MYO3A: variants seen among roughly 807,000 people sequenced by gnomAD.
MYO3A encodes myosin-IIIa.
In MYO3A, 180 loss-of-function variants were observed where a neutral mutation model predicts 192.7. The observed-to-expected ratio is 0.93, with a 90% CI of 0.83 to 1.06. The LOEUF is 1.06. Ranked by LOEUF, MYO3A falls within the 50% of genes least tolerant of loss-of-function variation. The pLI, the probability that MYO3A is intolerant of heterozygous loss-of-function variation, is 0.00. For missense variants in MYO3A, 1,896 were observed against 1,905.0 expected (o/e 1.00, Z 0.09); for synonymous variants, 628 against 645.3 (o/e 0.97, Z 0.41).
chr10:25,992,803 A>C (rs1354408799), intron 4 of MYO3A, among the ~76,000 whole-genome samples: 1 of 152,092 alleles, frequency 6.6e-6, no homozygotes, highest in Non-Finnish European at 1.5e-5. Context: ...TATATGCTGG[A>C]TTACGTTTAT....
chr10:26,044,261 T>A (rs1843515718), intron 10 of MYO3A, among the ~76,000 whole-genome samples: 2 of 152,364 alleles, frequency 1.3e-5, no homozygotes, highest in South Asian at 4.1e-4. Context: ...TTTGGAGCTG[T>A]GAGCTGTGCA....
intron 29 of MYO3A, among the ~76,000 whole-genome samples, chr10:26,172,039 C>T (rs1372671628): frequency 6.6e-6 from 1 of 152,108 alleles, no homozygotes; most frequent in Non-Finnish European, 1.5e-5. Flanking sequence ...GAGAATTTGA[C>T]ATTGATTGGG....
Position 26,208,995 on chromosome 10 carries a change from A to T in MYO3A, c.4731-2848A>T, listed in dbSNP as rs1035628981. On this transcript the variant is annotated intron_variant, in intron 34 of 34. Coordinates refer to ENST00000642920, the MANE Select transcript of MYO3A (RefSeq NM_017433.5). Reference sequence around the variant, plus strand: ...CCCCTTAGTTACTTTGCAATATTACATTTCCCTAAAAATTCCTTATGCCAC... The same window carrying T: ...CCCCTTAGTTACTTTGCAATATTACTTTTCCCTAAAAATTCCTTATGCCAC... 2.0e-5 allele frequency among the ~76,000 whole-genome samples: 3 copies of T among 152,132 alleles called. No individual in the cohort carries two copies. In the East Asian group the frequency reaches 5.8e-4, roughly 29 times the overall value.
At chr10:26,131,631 T>C (rs1839541414) in intron 20 of MYO3A, among the ~76,000 whole-genome samples, 1 of 152,198 alleles carries the variant, frequency 6.6e-6, no homozygotes. Flanking sequence ...TTTAGAATGT[T>C]AAGAGAGCTT....
chr10:25,997,428 A>G (rs1007043013), intron 6 of MYO3A, among the ~76,000 whole-genome samples, 170 bp downstream of exon 6: 3 of 152,242 alleles, frequency 2.0e-5, no homozygotes, highest in African/African-American at 7.2e-5. Flanking sequence ...AGAGATTCCC[A>G]GAAGAAAGGG....
At chr10:26,123,259 AAG>A (rs1838985565) in intron 18 of MYO3A, among the ~76,000 whole-genome samples, 1 of 152,202 alleles carries the variant, frequency 6.6e-6, no homozygotes, top group Admixed American at 6.5e-5. Context: ...TAAAAAAAGA[AAG>A]CATAAATAAA....
At chr10:25,959,945 C>T (rs1192463724) in intron 4 of MYO3A, among the ~76,000 whole-genome samples, 2 of 151,918 alleles carry the variant, frequency 1.3e-5, no homozygotes, top group African/African-American at 2.4e-5. Context: ...TTGCCCTGCT[C>T]CCCTCAACTG....
intron 4 of MYO3A, among the ~76,000 whole-genome samples, chr10:25,991,306 G>A (rs1184076949): frequency 1.3e-5 from 2 of 152,194 alleles, no homozygotes; most frequent in Non-Finnish European, 2.9e-5. Flanking sequence ...CTGCATAAAC[G>A]TCTTCTTTTG....
intron 10 of MYO3A, among the ~76,000 whole-genome samples, chr10:26,064,183 T>A (rs2131356810): frequency 6.6e-6 from 1 of 152,218 alleles, no homozygotes; most frequent in East Asian, 1.9e-4. Flanking sequence ...AGCCACTAAT[T>A]GACAAGGGCT....
chr10:26,085,080 T>C (rs1836225000), intron 14 of MYO3A, among the ~76,000 whole-genome samples: 1 of 152,176 alleles, frequency 6.6e-6, no homozygotes, highest in Non-Finnish European at 1.5e-5. Context: ...TATGATCCTT[T>C]TTATTTCTGA....
chr10:25,956,077 C>A (rs1235959022), intron 4 of MYO3A, among the ~76,000 whole-genome samples: 2 of 152,106 alleles, frequency 1.3e-5, no homozygotes, highest in East Asian at 3.9e-4. Context: ...ACGCTGTGTT[C>A]TCACATGGCA....
chr10:26,074,217 T>C (rs1397481890), intron 14 of MYO3A, among the ~76,000 whole-genome samples: 3 of 152,160 alleles, frequency 2.0e-5, no homozygotes, highest in Non-Finnish European at 4.4e-5. Context: ...CACCAATAGG[T>C]TCAAGGTTAA....
chr10:26,169,181 C>T (rs1841917697), intron 28 of MYO3A, among the ~76,000 whole-genome samples: 1 of 152,096 alleles, frequency 6.6e-6, no homozygotes. Context: ...ATTATTATAG[C>T]TCATTGGACA....
intron 30 of MYO3A, among the ~76,000 whole-genome samples, chr10:26,175,090 A>G (rs536213680): frequency 3.9e-5 from 6 of 152,286 alleles, no homozygotes; most frequent in Admixed American, 1.3e-4. Flanking sequence ...ACGCAGAGAA[A>G]AGTTCCCTCC....
Position 26,183,121 on chromosome 10 carries a change from G to C in MYO3A, c.4438+6276G>C, listed in dbSNP as rs983593615. Among the ~76,000 whole-genome samples the C allele has an allele frequency of 4.1e-4, 63 of 152,294 alleles. 1 individual carries two copies. The highest frequency in any genetic ancestry group is 1.3e-3 in the African/African-American group (53 of 41,584). ...AAGCGACAGTCCAGAGGGTGTATCTGTGGGTCTCACCCCCCACACAGGCTG... is the reference window on the plus strand; with the variant it reads ...AAGCGACAGTCCAGAGGGTGTATCTCTGGGTCTCACCCCCCACACAGGCTG... On this transcript the variant is annotated intron_variant, in intron 31 of 34. Coordinates refer to ENST00000642920, the MANE Select transcript of MYO3A (RefSeq NM_017433.5).
chr10:25,941,940 G>C (rs565434015), intron 2 of MYO3A, among the ~76,000 whole-genome samples: 1 of 150,560 alleles, frequency 6.6e-6, no homozygotes, highest in East Asian at 1.9e-4. Context: ...TATGTGTCAA[G>C]TTTCCTTTCT....
chr10:26,139,697 G>A (rs191595113), intron 20 of MYO3A, among the ~76,000 whole-genome samples: 58 of 152,140 alleles, frequency 3.8e-4, no homozygotes, highest in African/African-American at 1.0e-3. Context: ...GAGGTCAGGC[G>A]TTTGAGACCA....
chr10:26,133,015 ATAAAG>A (rs1839630496), intron 20 of MYO3A, among the ~76,000 whole-genome samples: 1 of 152,244 alleles, frequency 6.6e-6, no homozygotes, highest in Non-Finnish European at 1.5e-5. Context: ...TTTTTACATT[ATAAAG>A]TAAAAACCAG....
Position 25,996,530 on chromosome 10 carries a change from T to G in MYO3A, c.344T>G (p.Phe115Cys). Residue 115 changes from phenylalanine to cysteine, a missense_variant, in exon 5 of 35, where the codon TTT becomes TGT. Physicochemically the swap from Phe to Cys is radical, Grantham distance 205. Coordinates refer to ENST00000642920, the MANE Select transcript of MYO3A (RefSeq NM_017433.5). ...GGSVTDLVKG[F>C]LKRGERMSEP... ...TCAGTGACTGACCTTGTGAAAGGAT[T>G]TCTGAAGAGGGGTGAAAGAATGAGT... is the stretch of plus-strand genomic sequence containing the variant. 6.2e-7 allele frequency: 1 copy of G among 1,613,908 alleles called. No homozygotes were observed. The highest frequency in any genetic ancestry group is 8.5e-7 in the Non-Finnish European group (1 of 1,179,884).
Sources: allele counts gnomAD v4.1 joint callset (sites outside exome capture counted in the v4.1 genomes callset), GRCh38; gene constraint gnomAD v4.1.1; transcripts MANE v1.5; gene names NCBI Gene and HGNC (gene_info 2026-07-23, HGNC 2026-07-21).